The following SMARCA4 variants were observed in gnomAD, a reference collection of about 807,000 sequenced individuals.
SMARCA4 encodes SWI/SNF-related matrix-associated actin-dependent regulator of chromatin subfamily A member 4.
Under a neutral mutation model 193.9 loss-of-function variants are expected in SMARCA4, and 31 were observed. The ratio of observed to expected loss-of-function variants is 0.16; its 90% CI spans 0.12 to 0.22. SMARCA4 has a LOEUF of 0.22. Ranked by LOEUF, SMARCA4 falls within the 10% of genes least tolerant of loss-of-function variation. SMARCA4 has a pLI of 1.00. For synonymous variants in SMARCA4, 942 were observed against 933.1 expected (o/e 1.01, Z -0.17); for missense variants, 1,148 against 2,296.0 (o/e 0.50, Z 10.22).
intron 16 of SMARCA4, among the ~76,000 whole-genome samples, chr19:11,015,809 C>G (rs1336126121): frequency 6.6e-6 from 1 of 151,936 alleles, no homozygotes; most frequent in Non-Finnish European, 1.5e-5. Flanking sequence ...GAGTTTGAGA[C>G]CAGCCTGACC....
At chr19:11,049,419 T>G (rs1273014656) in intron 30 of SMARCA4, among the ~76,000 whole-genome samples, 2 of 151,918 alleles carry the variant, frequency 1.3e-5, no homozygotes, top group African/African-American at 4.8e-5. Context: ...TCTCTGTGGC[T>G]TCGGGTCAGG....
chr19:11,031,039 A>C lies in SMARCA4; in HGVS notation c.3546+146A>C. The C allele has an allele frequency of 1.3e-6, 1 of 748,730 alleles. No homozygotes were observed. The highest frequency in any genetic ancestry group is 2.3e-6 in the Non-Finnish European group (1 of 431,796). The allele number at this position is 748,730 out of a possible 1,614,324, so 46.4% of individuals were successfully genotyped here. The stretch of plus-strand genomic sequence containing the variant: ...CGGGAGGAGCTGCACCCATATCTCC[A>C]TAGGTCATCAGGGAGAAAAGAGGCG... On this transcript the variant is annotated intron_variant, in intron 25 of 34. Transcript: ENST00000344626. The surrounding 1 kb of genome is among the most constrained non-coding windows in gnomAD (Gnocchi z 4.3).
chr19:11,053,387 G>A (rs1360425329), intron 30 of SMARCA4, among the ~76,000 whole-genome samples: 3 of 151,120 alleles, frequency 2.0e-5, no homozygotes, highest in East Asian at 1.9e-4. Flanking sequence ...GGGAGGCGGA[G>A]GTTTCAGTAA....
intron 30 of SMARCA4, among the ~76,000 whole-genome samples, chr19:11,054,263 A>G (rs529519478): frequency 3.1e-4 from 47 of 152,304 alleles, no homozygotes; most frequent in Non-Finnish European, 6.2e-4. Context: ...CTGGTGTCCA[A>G]CCCTGAGCAC....
At chr19:11,003,975 G>A (rs548696177) in intron 13 of SMARCA4, among the ~76,000 whole-genome samples, 1 of 151,876 alleles carries the variant, frequency 6.6e-6, no homozygotes, top group South Asian at 2.1e-4. Flanking sequence ...GCCTCCCAAA[G>A]TGCTGGGATT....
chr19:11,023,699 G>C (rs1022688247), intron 20 of SMARCA4, 68 bp downstream of exon 20: 2 of 970,786 alleles, frequency 2.1e-6, no homozygotes, highest in African/African-American at 1.6e-5. Context: ...AGGGCTGGGC[G>C]TGCTCAGGGC....
rs746320290 is a variant in SMARCA4, at chr19:10,986,153, C to T, written c.356-36C>T. On this transcript the variant is annotated intron_variant, in intron 3 of 34. Coordinates refer to ENST00000344626, the MANE Select transcript of SMARCA4 (RefSeq NM_003072.5). The surrounding 1 kb of genome is among the most constrained non-coding windows in gnomAD (Gnocchi z 6.7). ...AGGCTGTAAAAATCACAGACATATGCTGCCGAGTGACCAGTGGGCTGACCT... is the reference window on the plus strand; with the variant it reads ...AGGCTGTAAAAATCACAGACATATGTTGCCGAGTGACCAGTGGGCTGACCT... 1.3e-6 allele frequency: 2 copies of T among 1,543,164 alleles called. No individual in the cohort carries two copies. Among genetic ancestry groups the T allele is most frequent in the South Asian group, 1.1e-5 (1 of 89,626 alleles).
intron 16 of SMARCA4, among the ~76,000 whole-genome samples, chr19:11,014,973 C>T (rs186315111): frequency 2.5e-4 from 38 of 152,068 alleles, no homozygotes; most frequent in African/African-American, 9.6e-5. Flanking sequence ...CCACCATGTC[C>T]GGCTAACTTT....
At chr19:10,979,800 C>T (rs2085420438) in intron 1 of SMARCA4, among the ~76,000 whole-genome samples, 1 of 152,108 alleles carries the variant, frequency 6.6e-6, no homozygotes, top group African/African-American at 2.4e-5. Context: ...AAGGAAGCCA[C>T]AGTGATAGTC....
At chr19:11,051,422 TGAG>T (rs1266164924) in intron 30 of SMARCA4, among the ~76,000 whole-genome samples, 1 of 151,752 alleles carries the variant, frequency 6.6e-6, no homozygotes, top group Non-Finnish European at 1.5e-5. Flanking sequence ...CCCCCTGCCT[TGAG>T]GAGGCCCTTC....
Position 11,058,497 on chromosome 19 carries a change from T to C in SMARCA4, c.4533+134T>C. 1 of 741,860 alleles carries C rather than the reference T, an allele frequency of 1.3e-6. No individual in the cohort carries two copies. The highest frequency in any genetic ancestry group is 1.5e-5 in the South Asian group (1 of 67,970). 46.0% of individuals were successfully genotyped at this position (741,860 alleles called of 1,614,324 possible). A position where few individuals can be genotyped will look rare whatever the true frequency, so the allele number is the denominator to read the frequency against. On this transcript the variant is annotated intron_variant, in intron 31 of 34. Transcript: ENST00000344626. The surrounding 1 kb of genome is among the most constrained non-coding windows in gnomAD (Gnocchi z 5.8). Reference sequence around the variant, plus strand: ...CTAGGCGGTGCCTTGGGCTACCTGGTTAGGGACCTGGTCGTGGGCTTTTGG... The same window carrying C: ...CTAGGCGGTGCCTTGGGCTACCTGGCTAGGGACCTGGTCGTGGGCTTTTGG...
At chr19:11,006,279 A>T (rs1193955754) in intron 13 of SMARCA4, among the ~76,000 whole-genome samples, 2 of 152,272 alleles carry the variant, frequency 1.3e-5, no homozygotes, top group Admixed American at 1.3e-4. Context: ...GCAAAATCGC[A>T]GTAAAGGCTG....
At chr19:11,010,925 C>T (rs2088771578) in intron 15 of SMARCA4, 3 of 334,862 alleles carry the variant, frequency 9.0e-6, no homozygotes, top group Non-Finnish European at 1.8e-5. Flanking sequence ...ATGCTCAGGA[C>T]AGGTTACCTG....
At chr19:11,032,343 T>A (rs1414065646) in intron 25 of SMARCA4, 1 of 152,200 alleles carries the variant, frequency 6.6e-6, no homozygotes, top group Non-Finnish European at 1.5e-5. Flanking sequence ...CGTGTTAGCC[T>A]CCTCGTACTG....
intron 30 of SMARCA4, among the ~76,000 whole-genome samples, chr19:11,042,453 C>T (rs948033048): frequency 6.6e-6 from 1 of 152,254 alleles, no homozygotes; most frequent in African/African-American, 2.4e-5. Flanking sequence ...TTCCACTCTC[C>T]AAGGTCTTAT....
chr19:11,052,899 C>T (rs1239071897), intron 30 of SMARCA4, among the ~76,000 whole-genome samples: 2 of 152,182 alleles, frequency 1.3e-5, no homozygotes, highest in Admixed American at 6.5e-5. Flanking sequence ...TGTCACAGTG[C>T]TCTCATTTCG....
chr19:11,042,617 G>A (rs1027536136), intron 30 of SMARCA4, among the ~76,000 whole-genome samples: 2 of 152,246 alleles, frequency 1.3e-5, no homozygotes, highest in South Asian at 2.1e-4. Context: ...CCACATGCAT[G>A]GTTTGGAGAG....
At chr19:11,023,699 G>A (rs1022688247) in intron 20 of SMARCA4, 68 bp downstream of exon 20, 13 of 970,664 alleles carry the variant, frequency 1.3e-5, no homozygotes, top group South Asian at 4.1e-5. Context: ...AGGGCTGGGC[G>A]TGCTCAGGGC....
chr19:10,962,081 T>A (rs895720985), intron 1 of SMARCA4, among the ~76,000 whole-genome samples: 1 of 151,780 alleles, frequency 6.6e-6, no homozygotes, highest in Non-Finnish European at 1.5e-5. Context: ...TTTGGATTGA[T>A]AGGCTGCATT....
Sources: gnomAD v4.1 joint callset for allele counts (sites outside exome capture counted in the v4.1 genomes callset) on GRCh38, gnomAD v4.1.1 for gene constraint, Gnocchi (gnomAD v3.1) non-coding constraint, MANE v1.5 for transcripts, NCBI Gene and HGNC (gene_info 2026-07-23, HGNC 2026-07-21) for gene names.